The following C12orf54 variants were observed in gnomAD, a reference collection of about 807,000 sequenced individuals.
The protein encoded by C12orf54 is chromosome 12 open reading frame 54.
Under a neutral mutation model 26.4 loss-of-function variants are expected in C12orf54, and 24 were observed. The ratio of observed to expected loss-of-function variants is 0.91; its 90% CI spans 0.66 to 1.28. The LOEUF (loss-of-function observed/expected upper bound fraction) is 1.28, where lower values mean the gene tolerates loss of function less well. Among genes scored for constraint, C12orf54 ranks in the 50% most tolerant of loss-of-function variants. The pLI is 0.00. For synonymous variants in C12orf54, 54 were observed against 47.0 expected (o/e 1.15, Z -0.61); for missense variants, 154 against 150.9 (o/e 1.02, Z -0.11).
At chr12:48,455,307 A>G in the C12orf54 span, among the ~76,000 whole-genome samples, 2 of 152,202 alleles carry the variant, frequency 1.3e-5, no homozygotes, top group African/African-American at 2.4e-5. Flanking sequence ...ATAGTATTCT[A>G]TGGTGTATAT....
At chr12:48,485,628 T>C (rs1592199639) in intron 2 of C12orf54, among the ~76,000 whole-genome samples, 1 of 152,108 alleles carries the variant, frequency 6.6e-6, no homozygotes, top group South Asian at 2.1e-4. Flanking sequence ...CTAGGTGACT[T>C]TGGCACTGAT....
chr12:48,452,316 C>A, the C12orf54 span, among the ~76,000 whole-genome samples: 1 of 152,084 alleles, frequency 6.6e-6, no homozygotes, highest in Admixed American at 6.6e-5. Flanking sequence ...CTTCCTCACC[C>A]CATATGCAAA....
the C12orf54 span, among the ~76,000 whole-genome samples, chr12:48,465,224 C>T: frequency 6.6e-6 from 1 of 151,640 alleles, no homozygotes; most frequent in Non-Finnish European, 1.5e-5. Context: ...TACAAGAAAA[C>T]AAACAATCCC....
At chr12:48,443,142 C>T in the C12orf54 span, among the ~76,000 whole-genome samples, 3 of 152,114 alleles carry the variant, frequency 2.0e-5, no homozygotes, top group Non-Finnish European at 2.9e-5. Flanking sequence ...TCTGCAAGAC[C>T]CCAACCTTAG....
At chr12:48,430,402 A>G in the C12orf54 span, among the ~76,000 whole-genome samples, 1 of 152,154 alleles carries the variant, frequency 6.6e-6, no homozygotes, top group Admixed American at 6.5e-5. Context: ...CATAATCTAT[A>G]CATCTGACAA....
chr12:48,454,332 G>A, the C12orf54 span, among the ~76,000 whole-genome samples: 29,954 of 151,856 alleles, frequency 0.2, 3,288 homozygotes, highest in South Asian at 0.3. Flanking sequence ...ATCTCCTGAC[G>A]TCGTGATCTG....
At chr12:48,426,092 G>C in the C12orf54 span, among the ~76,000 whole-genome samples, 1 of 152,054 alleles carries the variant, frequency 6.6e-6, no homozygotes, top group Non-Finnish European at 1.5e-5. Context: ...AGTGTAATTA[G>C]ATCCCATTTG....
the C12orf54 span, among the ~76,000 whole-genome samples, chr12:48,454,335 G>A: frequency 1.0e-3 from 153 of 152,096 alleles, no homozygotes; most frequent in Non-Finnish European, 1.7e-3. Context: ...TCCTGACGTC[G>A]TGATCTGCCC....
At chr12:48,493,026 G>A (rs763987104) in intron 7 of C12orf54, 31 bp downstream of exon 7, 11 of 1,600,278 alleles carry the variant, frequency 6.9e-6, no homozygotes, top group Non-Finnish European at 8.6e-6. Context: ...AATGTTCAAG[G>A]GAGATGGCAC....
At chr12:48,418,844 A>G in the C12orf54 span, among the ~76,000 whole-genome samples, 489 of 152,212 alleles carry the variant, frequency 3.2e-3, 2 homozygotes, top group African/African-American at 0.011. Context: ...TTTAAATTTT[A>G]TAAAGTAGAG....
the C12orf54 span, among the ~76,000 whole-genome samples, chr12:48,444,289 T>A: frequency 2.6e-5 from 4 of 152,190 alleles, no homozygotes; most frequent in Admixed American, 2.6e-4. Flanking sequence ...GAACATCACA[T>A]CATTGGCAGA....
the C12orf54 span, among the ~76,000 whole-genome samples, chr12:48,444,482 C>A: frequency 6.6e-6 from 1 of 152,170 alleles, no homozygotes; most frequent in East Asian, 1.9e-4. Context: ...AAATGAAGGT[C>A]AAAGAGTGAA....
upstream of C12orf54, among the ~76,000 whole-genome samples, chr12:48,479,824 CTT>C (rs1375344767): frequency 3.3e-5 from 5 of 152,010 alleles, no homozygotes; most frequent in East Asian, 9.6e-4. Context: ...ACGAGCCAAA[CTT>C]TGAGTTTCAT....
At chr12:48,479,291 T>C (rs1019534073), upstream of C12orf54, among the ~76,000 whole-genome samples, 3 of 152,058 alleles carry the variant, frequency 2.0e-5, no homozygotes, top group Non-Finnish European at 4.4e-5. Flanking sequence ...ATATTCTCAC[T>C]CATAGGTGGG....
chr12:48,435,645 C>A, the C12orf54 span, among the ~76,000 whole-genome samples: 4 of 152,172 alleles, frequency 2.6e-5, no homozygotes, highest in Non-Finnish European at 5.9e-5. Context: ...CCCAGAATTT[C>A]ATATCCAGCC....
At chr12:48,480,104 AG>A (rs1954183284), upstream of C12orf54, among the ~76,000 whole-genome samples, 1 of 152,226 alleles carries the variant, frequency 6.6e-6, no homozygotes, top group Non-Finnish European at 1.5e-5. Flanking sequence ...AAAGTTATAA[AG>A]TTACCAAAAA....
the C12orf54 span, among the ~76,000 whole-genome samples, chr12:48,428,125 G>A: frequency 6.6e-6 from 1 of 152,014 alleles, no homozygotes; most frequent in Non-Finnish European, 1.5e-5. Flanking sequence ...CGAACTGAAT[G>A]ACACTAGCGA....
At chr12:48,424,969 C>T in the C12orf54 span, among the ~76,000 whole-genome samples, 174 of 152,124 alleles carry the variant, frequency 1.1e-3, no homozygotes, top group Non-Finnish European at 1.2e-3. Context: ...TTATCATTGT[C>T]ATTGTGATTA....
At chr12:48,489,441 CTTTGAGACAGGG>C in intron 5 of C12orf54, 1 of 256,444 alleles carries the variant, frequency 3.9e-6, no homozygotes. Flanking sequence ...CTCTCTCTCT[CTTTGAGACAGGG>C]TCTCACTCTG....
Sources: gnomAD v4.1 joint callset for allele counts (sites outside exome capture counted in the v4.1 genomes callset) on GRCh38, gnomAD v4.1.1 for gene constraint, MANE v1.5 for transcripts, NCBI Gene and HGNC (gene_info 2026-07-23, HGNC 2026-07-21) for gene names.